ITGA1: variants seen among roughly 807,000 people sequenced by gnomAD.
The protein encoded by ITGA1 is integrin subunit alpha 1.
ITGA1 carries 85 observed loss-of-function variants against 145.9 expected under a neutral mutation model. That is an observed-to-expected ratio of 0.58 (90% confidence interval 0.49 to 0.70). The LOEUF (loss-of-function observed/expected upper bound fraction) is 0.70. ITGA1 is among the 30% of genes least tolerant of loss of function. The pLI, the probability that ITGA1 is intolerant of heterozygous loss-of-function variation, is 0.00. For missense variants in ITGA1, 1,351 were observed against 1,418.7 expected, an observed-to-expected ratio of 0.95 and a Z score of 0.77; for synonymous variants, 520 against 495.3, an observed-to-expected ratio of 1.05 and a Z score of -0.66.
At chr5:52,897,817 A>T (rs1279185470) in intron 10 of ITGA1, among the ~76,000 whole-genome samples, 1 of 146,992 alleles carries the variant, frequency 6.8e-6, no homozygotes, top group Admixed American at 7.0e-5. Flanking sequence ...ATAATTTAAC[A>T]TATTTGCTAC....
At position 52,957,285 on chromosome 5, in the gene ITGA1, C is replaced by G. The variant is rs994714508; in HGVS notation, c.*4834C>G. On this transcript the variant is annotated 3_prime_UTR_variant, in exon 29 of 29. Coordinates refer to ENST00000282588, the MANE Select transcript of ITGA1 (RefSeq NM_181501.2). ...GGATCCTTTTCCCATTATAAAGGGC[C>G]GATGCTTAACCCTTGAACCCACTAC... 1.3e-5 allele frequency: 2 copies of G among 152,004 alleles called. No individual in the cohort carries two copies. The highest frequency in any genetic ancestry group is 4.8e-5 in the African/African-American group (2 of 41,358). 9.4% of individuals were successfully genotyped at this position (152,004 alleles called of 1,614,324 possible). A position where few individuals can be genotyped will look rare whatever the true frequency, so the allele number is the denominator to read the frequency against.
chr5:52,800,676 C>T (rs1344009408), intron 1 of ITGA1: 4 of 1,614,044 alleles, frequency 2.5e-6, no homozygotes, highest in African/African-American at 2.7e-5. Context: ...ATGAGTATGT[C>T]AAGATGGGGG....
rs138522827 is a variant in ITGA1, at chr5:52,948,602, C to T, written c.3495+1141C>T. Among the ~76,000 whole-genome samples, 13 of 152,284 alleles carry T rather than the reference C, an allele frequency of 8.5e-5. No individual in the cohort carries two copies. In the East Asian group the frequency reaches 2.3e-3, roughly 27 times the overall value. On this transcript the variant is annotated intron_variant, in intron 28 of 28. Transcript: ENST00000282588. The stretch of plus-strand genomic sequence containing the variant: ...GCAAAGTTCCCCAAACAAAATTCTC[C>T]ACTATAGCCAATGTCCAGCTCTTCC...
In ITGA1 at chr5:52,957,211, C is replaced by G. The variant is rs146149437; in HGVS notation, c.*4760C>G. On this transcript the variant is annotated 3_prime_UTR_variant, in exon 29 of 29. Transcript: ENST00000282588. The stretch of plus-strand genomic sequence containing the variant: ...GTCTCTTAAGCCCCAGCCCTGTTGT[C>G]CCCTACAGCATCTCCACCCAGGAAG... 1 of 152,152 alleles carries G rather than the reference C, an allele frequency of 6.6e-6. No individual in the cohort carries two copies. The highest frequency in any genetic ancestry group is 2.4e-5 in the African/African-American group (1 of 41,412). The allele number at this position is 152,152 out of a possible 1,614,324, so 9.4% of individuals were successfully genotyped here.
intron 1 of ITGA1, among the ~76,000 whole-genome samples, chr5:52,838,187 G>A (rs1749190204): frequency 1.3e-5 from 2 of 152,162 alleles, no homozygotes; most frequent in Non-Finnish European, 2.9e-5. Flanking sequence ...GCTATAATAA[G>A]TAGCTGGGAA....
chr5:52,857,338 A>T (rs924445238), intron 2 of ITGA1, among the ~76,000 whole-genome samples: 2 of 151,838 alleles, frequency 1.3e-5, no homozygotes, highest in Non-Finnish European at 2.9e-5. Flanking sequence ...CTGCTCAGAG[A>T]TTCTACTCCC....
At chr5:52,939,775 A>G in intron 25 of ITGA1, 65 bp from the exon 26 acceptor site, 3 of 1,443,378 alleles carry the variant, frequency 2.1e-6, no homozygotes, top group Non-Finnish European at 2.9e-6. Context: ...CATCTGAAGA[A>G]TTTAAATATA....
At chr5:52,913,887 ATTTG>A (rs1227988632) in intron 14 of ITGA1, among the ~76,000 whole-genome samples, 6 of 152,198 alleles carry the variant, frequency 3.9e-5, no homozygotes, top group Non-Finnish European at 5.9e-5. Flanking sequence ...TTGATAAATA[ATTTG>A]TTTCTGTTGA....
intron 8 of ITGA1, among the ~76,000 whole-genome samples, chr5:52,889,268 A>C (rs910645853): frequency 6.6e-6 from 1 of 151,866 alleles, no homozygotes; most frequent in African/African-American, 2.4e-5. Flanking sequence ...CACTTGGCTA[A>C]TTTTTTTATT....
rs755878853 is a variant in ITGA1, at chr5:52,918,877, GA to G, written c.2136del (p.Asp713ThrfsTer14). The G allele has an allele frequency of 1.4e-5, 22 of 1,597,878 alleles. No homozygotes were observed. Among genetic ancestry groups the G allele is most frequent in the Non-Finnish European group, 1.9e-5 (22 of 1,174,836 alleles). ...VCFDVKLKSKEDTIYEADLQY... is the reference protein window; with the variant it reads ...VCFDVKLKSKXDTIYEADLQY... ...TTTTGATGTGAAATTAAAGTCTAAA[GA>G]AGACACGATTTATGAAGCTGGTAAG... On this transcript the variant is annotated frameshift_variant, in exon 16 of 29. Coordinates refer to ENST00000282588, the MANE Select transcript of ITGA1 (RefSeq NM_181501.2). LOFTEE classifies it high-confidence loss of function.
At chr5:52,877,130 A>G (rs1229192683) in intron 6 of ITGA1, among the ~76,000 whole-genome samples, 1 of 152,212 alleles carries the variant, frequency 6.6e-6, no homozygotes, top group African/African-American at 2.4e-5. Context: ...ATAAAAATCT[A>G]TCTTTTAAAG....
At chr5:52,909,676 TTCC>T (rs1236362074) in intron 13 of ITGA1, among the ~76,000 whole-genome samples, 1 of 149,994 alleles carries the variant, frequency 6.7e-6, no homozygotes, top group African/African-American at 2.5e-5. Flanking sequence ...ATTTTTTGGC[TTCC>T]TCCTGTCAAC....
chr5:52,872,296 T>C (rs1749788170), intron 6 of ITGA1, among the ~76,000 whole-genome samples: 1 of 152,176 alleles, frequency 6.6e-6, no homozygotes, highest in African/African-American at 2.4e-5. Context: ...TTTGTCAGTC[T>C]GCTTACAGTT....
Position 52,947,381 on chromosome 5 carries a change from A to G in ITGA1, c.3415A>G (p.Arg1139Gly). ...AATATCCAAAGATGGGCTACCGGGCAGAGTGCCATTATGGGTCATCCTGCT... is the reference window on the plus strand; with the variant it reads ...AATATCCAAAGATGGGCTACCGGGCGGAGTGCCATTATGGGTCATCCTGCT... ...IQISKDGLPG[R>G]VPLWVILLSA... Residue 1139 changes from arginine to glycine, a missense_variant, in exon 28 of 29, where the codon AGA becomes GGA. Physicochemically the swap from Arg to Gly is moderately radical, Grantham distance 125. Coordinates refer to ENST00000282588, the MANE Select transcript of ITGA1 (RefSeq NM_181501.2). The G allele has an allele frequency of 6.2e-7, 1 of 1,613,536 alleles. No homozygotes were observed. Among genetic ancestry groups the G allele is most frequent in the Non-Finnish European group, 8.5e-7 (1 of 1,179,490 alleles).
chr5:52,948,594 A>G (rs1713554966), intron 28 of ITGA1, among the ~76,000 whole-genome samples: 1 of 152,186 alleles, frequency 6.6e-6, no homozygotes, highest in Admixed American at 6.5e-5. Flanking sequence ...TCCCCAAACA[A>G]AATTCTCCAC....
intron 1 of ITGA1, among the ~76,000 whole-genome samples, chr5:52,804,238 G>A (rs764293735): frequency 6.6e-6 from 1 of 152,090 alleles, no homozygotes; most frequent in Non-Finnish European, 1.5e-5. Flanking sequence ...AAACTCTATC[G>A]ATAACTCCAA....
chr5:52,918,122 C>A (rs1214658595), intron 15 of ITGA1, among the ~76,000 whole-genome samples: 1 of 152,108 alleles, frequency 6.6e-6, no homozygotes, highest in Non-Finnish European at 1.5e-5. Flanking sequence ...AGTTTAAAAT[C>A]CCAGGTTTTT....
At chr5:52,918,924 C>T (rs770749440) in intron 16 of ITGA1, 26 bp downstream of exon 16, 1 of 1,562,032 alleles carries the variant, frequency 6.4e-7, no homozygotes, top group Non-Finnish European at 8.7e-7. Context: ...ATAGCAAGTA[C>T]TTTTGGGTAG....
At chr5:52,807,433 A>G (rs1481853313) in intron 1 of ITGA1, among the ~76,000 whole-genome samples, 1 of 152,152 alleles carries the variant, frequency 6.6e-6, no homozygotes, top group African/African-American at 2.4e-5. Context: ...GAAATTAAAG[A>G]AGATTAAATA....
Sources: allele counts gnomAD v4.1 joint callset (sites outside exome capture counted in the v4.1 genomes callset), GRCh38; gene constraint gnomAD v4.1.1; transcripts MANE v1.5; gene names NCBI Gene and HGNC (gene_info 2026-07-23, HGNC 2026-07-21).